Variants in JPH3 observed in about 807,000 individuals in gnomAD.
JPH3 encodes the protein junctophilin-3.
JPH3 carries 11 observed loss-of-function variants against 59.6 expected under a neutral mutation model. The observed-to-expected ratio is 0.18, with a 90% CI of 0.12 to 0.31. The LOEUF is 0.31. Among genes scored for constraint, JPH3 ranks in the 10% least tolerant of loss-of-function variants. The probability of loss-of-function intolerance (pLI) is 1.00; values close to 1 mark genes in which losing one functional copy is unlikely to be tolerated. For missense variants in JPH3, 1,202 were observed against 1,105.7 expected, an observed-to-expected ratio of 1.09 and a Z score of -1.24; for synonymous variants, 673 against 483.6, an observed-to-expected ratio of 1.39 and a Z score of -5.14.
chr16:87,686,762 T>C (rs905026745), intron 3 of JPH3, among the ~76,000 whole-genome samples: 18 of 152,206 alleles, frequency 1.2e-4, no homozygotes, highest in African/African-American at 4.1e-4. Context: ...AGGAGGGGCC[T>C]TGGGCTGACC....
rs11859208 is a variant in JPH3, at chr16:87,697,058, T to C, written c.*398T>C. 0.14 allele frequency: 37,751 copies of C among 265,532 alleles called. 4,014 individuals carry two copies. Among genetic ancestry groups the C allele is most frequent in the African/African-American group, 0.34 (15,600 of 45,386 alleles). 16.4% of individuals were successfully genotyped at this position (265,532 alleles called of 1,614,324 possible). A position where few individuals can be genotyped will look rare whatever the true frequency, so the allele number is the denominator to read the frequency against. On this transcript the variant is annotated 3_prime_UTR_variant, in exon 5 of 5. Transcript: ENST00000284262. ...GAGCCTCAGCCCCGCGGCCCCTGAGTGGCAGGGCTGACTCCCGTCGACACG... is the reference window on the plus strand; with the variant it reads ...GAGCCTCAGCCCCGCGGCCCCTGAGCGGCAGGGCTGACTCCCGTCGACACG...
rs141641534 is a variant in JPH3 at position 87,660,043 on chromosome 16, A to G, written c.1160+15008A>G. On this transcript the variant is annotated intron_variant, in intron 2 of 4. Coordinates refer to ENST00000284262, the MANE Select transcript of JPH3 (RefSeq NM_020655.4). The stretch of plus-strand genomic sequence containing the variant: ...TCCTAGTGTGGAGGTCGGGGGTACC[A>G]AGCCCCAGCCCTGCCACCTGGAAAC... Among the ~76,000 whole-genome samples the G allele has an allele frequency of 5.1e-3, 773 of 150,884 alleles. 4 individuals carry two copies. Among genetic ancestry groups the G allele is most frequent in the Non-Finnish European group, 7.3e-3 (493 of 67,434 alleles).
intron 2 of JPH3, among the ~76,000 whole-genome samples, chr16:87,663,754 G>A (rs1167424877): frequency 1.3e-5 from 2 of 152,148 alleles, no homozygotes; most frequent in Non-Finnish European, 2.9e-5. Context: ...ACCTCCCTCG[G>A]TAAACTTACA....
intron 1 of JPH3, among the ~76,000 whole-genome samples, chr16:87,623,069 C>G (rs941951189): frequency 2.0e-5 from 3 of 152,180 alleles, no homozygotes; most frequent in African/African-American, 7.2e-5. Context: ...GCCAGCCCCA[C>G]AGATTCTGAG....
intron 2 of JPH3, among the ~76,000 whole-genome samples, chr16:87,669,368 G>C (rs1328838505): frequency 2.0e-5 from 3 of 152,222 alleles, no homozygotes; most frequent in African/African-American, 7.2e-5. Flanking sequence ...AAAGGAAGGA[G>C]ACTTGGCCAT....
chr16:87,632,520 G>A (rs1480073243), intron 1 of JPH3, among the ~76,000 whole-genome samples: 2 of 152,190 alleles, frequency 1.3e-5, no homozygotes, highest in Non-Finnish European at 1.5e-5. Context: ...GATCACCGCA[G>A]CCTCAATCTC....
chr16:87,689,150 C>A (rs1433492413), intron 3 of JPH3, among the ~76,000 whole-genome samples: 1 of 152,180 alleles, frequency 6.6e-6, no homozygotes, highest in East Asian at 1.9e-4. Context: ...TCACGCTGGC[C>A]CCGGCACTGG....
intron 1 of JPH3, among the ~76,000 whole-genome samples, chr16:87,633,434 T>C (rs139397953): frequency 6.6e-6 from 1 of 151,560 alleles, no homozygotes; most frequent in East Asian, 1.9e-4. Context: ...ATTAAGCCCA[T>C]AGTGAATTCC....
At chr16:87,665,895 C>T (rs1039153558) in intron 2 of JPH3, among the ~76,000 whole-genome samples, 3 of 152,214 alleles carry the variant, frequency 2.0e-5, no homozygotes, top group Non-Finnish European at 4.4e-5. Context: ...GCTTTGAAGT[C>T]AGTTCCCATC....
intron 2 of JPH3, among the ~76,000 whole-genome samples, chr16:87,655,354 GGTGTT>G: frequency 2.0e-5 from 1 of 50,092 alleles, no homozygotes; most frequent in South Asian, 8.2e-4. Context: ...TTTGTGACAG[GGTGTT>G]ATTTTTTGTG....
chr16:87,608,960 C>G (rs949992274), intron 1 of JPH3, among the ~76,000 whole-genome samples: 17 of 152,334 alleles, frequency 1.1e-4, no homozygotes, highest in African/African-American at 4.1e-4. Flanking sequence ...TCGCTTGAGC[C>G]CCGGAGGTCA....
intron 2 of JPH3, among the ~76,000 whole-genome samples, chr16:87,660,410 T>G (rs1213219031): frequency 1.3e-5 from 2 of 152,010 alleles, no homozygotes; most frequent in African/African-American, 4.8e-5. Flanking sequence ...GAAAGGGGCC[T>G]CCCCAGAGAG....
intron 4 of JPH3, among the ~76,000 whole-genome samples, chr16:87,693,065 T>C (rs148942282): frequency 6.6e-6 from 1 of 152,346 alleles, no homozygotes; most frequent in Non-Finnish European, 1.5e-5. Flanking sequence ...CAAGTTGTCA[T>C]GGGGCCCAAG....
chr16:87,661,885 T>G (rs896818696), intron 2 of JPH3, among the ~76,000 whole-genome samples: 1 of 152,216 alleles, frequency 6.6e-6, no homozygotes, highest in African/African-American at 2.4e-5. Context: ...GCCTGGGGTA[T>G]TTCATTGCCT....
Position 87,652,573 on chromosome 16 carries a change from C to T in JPH3, c.1160+7538C>T, listed in dbSNP as rs966003052. Among the ~76,000 whole-genome samples the T allele has an allele frequency of 3.2e-4, 49 of 152,362 alleles. 1 individual carries two copies. Among genetic ancestry groups the T allele is most frequent in the African/African-American group, 1.2e-3 (49 of 41,582 alleles). On this transcript the variant is annotated intron_variant, in intron 2 of 4. Coordinates refer to ENST00000284262, the MANE Select transcript of JPH3 (RefSeq NM_020655.4). ...TCACGTCCCGGGCTCAAGTGATCCT[C>T]CTGCTTCCGCCTTCCGAGTAGCGTG...
chr16:87,622,230 C>G (rs113481644), intron 1 of JPH3, among the ~76,000 whole-genome samples: 1 of 152,210 alleles, frequency 6.6e-6, no homozygotes, highest in African/African-American at 2.4e-5. Context: ...CTGTGCGTCC[C>G]TGCGTCTCCA....
At chr16:87,684,095 C>T in intron 2 of JPH3, 47 bp from the exon 3 acceptor site, 1 of 1,468,772 alleles carries the variant, frequency 6.8e-7, no homozygotes, top group Non-Finnish European at 9.5e-7. Flanking sequence ...AGACCCCTGT[C>T]ACCTGTGCCC....
chr16:87,632,280 AAG>A (rs998374286), intron 1 of JPH3, among the ~76,000 whole-genome samples: 1 of 152,180 alleles, frequency 6.6e-6, no homozygotes, highest in African/African-American at 2.4e-5. Context: ...AGACGAAAAA[AAG>A]AGCACTTCCC....
chr16:87,637,855 C>A (rs1056841311), intron 1 of JPH3, among the ~76,000 whole-genome samples: 2 of 152,116 alleles, frequency 1.3e-5, no homozygotes, highest in Non-Finnish European at 2.9e-5. Flanking sequence ...GACCAGCACC[C>A]CGTGCGGGGG....
Sources: gnomAD v4.1 joint callset for allele counts (sites outside exome capture counted in the v4.1 genomes callset) on GRCh38, gnomAD v4.1.1 for gene constraint, MANE v1.5 for transcripts, NCBI Gene and HGNC (gene_info 2026-07-23, HGNC 2026-07-21) for gene names.